ADAM2: variants seen among roughly 807,000 people sequenced by gnomAD.
ADAM2 encodes the protein ADAM metallopeptidase domain 2, also known as disintegrin and metalloproteinase domain-containing protein 2.
A neutral mutation model predicts 99.3 loss-of-function variants in ADAM2; 101 were observed. That is an observed-to-expected ratio of 1.02 (90% CI 0.87 to 1.20). The LOEUF (loss-of-function observed/expected upper bound fraction) is 1.20, where lower values mean the gene tolerates loss of function less well. ADAM2 is among the 50% of genes most tolerant of loss of function. ADAM2 has a pLI of 0.00. For missense variants in ADAM2, 948 were observed against 878.7 expected (o/e 1.08, Z -1.00); for synonymous variants, 323 against 287.6 (o/e 1.12, Z -1.25).
intron 6 of ADAM2, among the ~76,000 whole-genome samples, chr8:39,818,681 G>A (rs1192113720): frequency 6.6e-6 from 1 of 151,950 alleles, no homozygotes; most frequent in Non-Finnish European, 1.5e-5. Flanking sequence ...AAAAGTCGTG[G>A]AGTTCAATAG....
intron 3 of ADAM2, among the ~76,000 whole-genome samples, chr8:39,830,951 C>CA (rs562707877): frequency 6.6e-6 from 1 of 152,206 alleles, no homozygotes; most frequent in South Asian, 2.1e-4. Flanking sequence ...AAAGAGATCT[C>CA]AGAGAGTTGA....
intron 15 of ADAM2, among the ~76,000 whole-genome samples, chr8:39,760,782 GTATTTTAACTTCTTTAC>G (rs969204717): frequency 2.1e-5 from 3 of 145,840 alleles, no homozygotes; most frequent in Non-Finnish European, 4.5e-5. Flanking sequence ...AAAAATTCGT[GTATTTTAACTTCTTTAC>G]TATGAGGATT....
intron 12 of ADAM2, among the ~76,000 whole-genome samples, chr8:39,767,580 A>T (rs1477870718): frequency 6.6e-6 from 1 of 152,214 alleles, no homozygotes; most frequent in Non-Finnish European, 1.5e-5. Flanking sequence ...AAGACGTAAA[A>T]TAAACAGAAG....
chr8:39,824,821 G>A lies in ADAM2; in HGVS notation c.265C>T (p.Gln89Ter), dbSNP rs1398874416. Residue 89 changes from glutamine (Q) to a stop codon, truncating the protein, a stop_gained and splice_region_variant, in exon 4 of 21, where the codon CAG (glutamine) becomes TAG (stop). Coordinates refer to ENST00000265708, the MANE Select transcript of ADAM2 (RefSeq NM_001464.5). LOFTEE classifies it high-confidence loss of function. ...GIMKPLDQDF[Q>*]NFCHYQGYIE... ...AAAAGAGATCATAAAAAACATACCT[G>A]AAAATCTTGGTCAAGTGGTTTCATA... 2.6e-6 allele frequency: 4 copies of A among 1,533,528 alleles called. No individual in the cohort carries two copies. The African/African-American group carries it at 5.5e-5, about 21-fold the overall frequency. 95.0% of individuals were successfully genotyped at this position (1,533,528 alleles called of 1,614,324 possible).
intron 18 of ADAM2, among the ~76,000 whole-genome samples, chr8:39,747,814 T>C (rs1015759963): frequency 6.6e-6 from 1 of 152,172 alleles, no homozygotes; most frequent in Non-Finnish European, 1.5e-5. Flanking sequence ...TTCATAATAA[T>C]GGTTTCACTT....
intron 6 of ADAM2, among the ~76,000 whole-genome samples, chr8:39,820,649 C>T (rs563414050): frequency 6.6e-6 from 1 of 152,016 alleles, no homozygotes; most frequent in African/African-American, 2.4e-5. Flanking sequence ...CTCCTCAGGA[C>T]CCTAGATATG....
intron 3 of ADAM2, among the ~76,000 whole-genome samples, chr8:39,828,506 GAAAA>G (rs987313361): frequency 7.3e-5 from 11 of 151,346 alleles, no homozygotes; most frequent in African/African-American, 2.7e-4. Flanking sequence ...AGGCAATGAA[GAAAA>G]AAGAGGAATA....
intron 7 of ADAM2, among the ~76,000 whole-genome samples, chr8:39,807,001 A>G (rs1804468304): frequency 6.6e-6 from 1 of 152,152 alleles, no homozygotes; most frequent in Non-Finnish European, 1.5e-5. Context: ...CCTGAAGGTG[A>G]TTCAGAGATG....
At chr8:39,817,750 A>T (rs1805013127) in intron 6 of ADAM2, among the ~76,000 whole-genome samples, 2 of 152,050 alleles carry the variant, frequency 1.3e-5, no homozygotes, top group African/African-American at 4.8e-5. Context: ...AAAATATTTA[A>T]ATTAATAAAA....
At chr8:39,829,628 G>A (rs958614418) in intron 3 of ADAM2, among the ~76,000 whole-genome samples, 2 of 151,934 alleles carry the variant, frequency 1.3e-5, no homozygotes, top group African/African-American at 4.8e-5. Flanking sequence ...GAAAGTGCAT[G>A]TAACTTAACC....
At chr8:39,821,436 C>T in intron 5 of ADAM2, 150 bp downstream of exon 5, 1 of 639,334 alleles carries the variant, frequency 1.6e-6, no homozygotes, top group Non-Finnish European at 2.6e-6. Context: ...CAGGAGCCAT[C>T]ATAAGTATTT....
At chr8:39,744,980 C>A in intron 19 of ADAM2, 87 bp from the exon 20 acceptor site, 1 of 1,094,294 alleles carries the variant, frequency 9.1e-7, no homozygotes, top group Non-Finnish European at 1.3e-6. Context: ...TGAAACAGTT[C>A]TGAATTTTTA....
At chr8:39,806,980 G>C (rs1483678406) in intron 7 of ADAM2, among the ~76,000 whole-genome samples, 1 of 151,478 alleles carries the variant, frequency 6.6e-6, no homozygotes, top group African/African-American at 2.4e-5. Flanking sequence ...ATAGAGAAGA[G>C]GAAAAGATAC....
intron 12 of ADAM2, among the ~76,000 whole-genome samples, chr8:39,767,787 A>G (rs147903357): frequency 6.6e-6 from 1 of 152,008 alleles, no homozygotes; most frequent in African/African-American, 2.4e-5. Context: ...ATATCTTATT[A>G]TGCCTTGTTT....
intron 7 of ADAM2, among the ~76,000 whole-genome samples, chr8:39,807,573 A>AG (rs944389066): frequency 6.6e-6 from 1 of 152,186 alleles, no homozygotes; most frequent in Non-Finnish European, 1.5e-5. Flanking sequence ...ATGAGGTCAT[A>AG]GGGGTGGGCC....
At position 39,760,617 on chromosome 8, in the gene ADAM2, A is replaced by T. The variant is rs934446486; in HGVS notation, c.1613+559T>A. ...GCGCCTGCAGTCGCAGCTACTCGGG[A>T]GGCTGAGGCAGGAGAATGGCGTGAA... On this transcript the variant is annotated intron_variant, in intron 15 of 20. Coordinates refer to ENST00000265708, the MANE Select transcript of ADAM2 (RefSeq NM_001464.5). 2.6e-5 allele frequency among the ~76,000 whole-genome samples: 4 copies of T among 152,096 alleles called. No individual in the cohort carries two copies. In the East Asian group the frequency reaches 7.7e-4, roughly 29 times the overall value.
At chr8:39,815,762 G>C (rs1348241910) in intron 6 of ADAM2, among the ~76,000 whole-genome samples, 1 of 151,984 alleles carries the variant, frequency 6.6e-6, no homozygotes, top group Non-Finnish European at 1.5e-5. Context: ...AGTGAGGACA[G>C]CATAAAACAG....
At chr8:39,825,445 C>T (rs1282034745) in intron 3 of ADAM2, among the ~76,000 whole-genome samples, 1 of 151,962 alleles carries the variant, frequency 6.6e-6, no homozygotes, top group African/African-American at 2.4e-5. Context: ...TATGTTGTTA[C>T]TAATACTAAT....
At chr8:39,744,601 A>G (rs1194229849) in intron 20 of ADAM2, among the ~76,000 whole-genome samples, 1 of 152,060 alleles carries the variant, frequency 6.6e-6, no homozygotes, top group Non-Finnish European at 1.5e-5. Context: ...ACATGGACAC[A>G]GGGAGGGGAA....
Sources: allele counts gnomAD v4.1 joint callset (sites outside exome capture counted in the v4.1 genomes callset), GRCh38; gene constraint gnomAD v4.1.1; transcripts MANE v1.5; gene names NCBI Gene and HGNC (gene_info 2026-07-23, HGNC 2026-07-21).